DPYD: variants seen among roughly 807,000 people sequenced by gnomAD.
DPYD encodes dihydropyrimidine dehydrogenase [NADP(+)].
Under a neutral mutation model 116.2 loss-of-function variants are expected in DPYD, and 109 were observed. That is an observed-to-expected ratio of 0.94 (90% confidence interval 0.80 to 1.10). The LOEUF (loss-of-function observed/expected upper bound fraction) is 1.10, where lower values mean the gene tolerates loss of function less well. Among genes scored for constraint, DPYD ranks in the 50% least tolerant of loss-of-function variants. The probability of loss-of-function intolerance (pLI) is 0.00; values close to 1 mark genes in which losing one functional copy is unlikely to be tolerated. For missense variants in DPYD, 1,302 were observed against 1,254.5 expected (o/e 1.04, Z -0.57); for synonymous variants, 440 against 432.0 (o/e 1.02, Z -0.23).
chr1:97,148,232 TG>T (rs1167943991), intron 20 of DPYD, among the ~76,000 whole-genome samples: 1 of 122,740 alleles, frequency 8.1e-6, no homozygotes, highest in Non-Finnish European at 1.6e-5. Flanking sequence ...TTGGTGTATG[TG>T]TAGGGTGTGT....
chr1:97,882,740 T>C (rs895858680), intron 2 of DPYD, among the ~76,000 whole-genome samples: 1 of 152,022 alleles, frequency 6.6e-6, no homozygotes, highest in Non-Finnish European at 1.5e-5. Flanking sequence ...GTTTTGCTCC[T>C]ACACCTCACC....
Position 97,593,388 on chromosome 1 carries a change from C to T in DPYD, c.959-1G>A, listed in dbSNP as rs1329732851. ...AATGGAGAGTGACAGGCGCACATTC[C>T]TGAATGATGAAAGGAAAACCCCATT... On this transcript the variant is annotated splice_acceptor_variant, in intron 9 of 22. Transcript: ENST00000370192. LOFTEE classifies it high-confidence loss of function. 1.2e-6 allele frequency: 2 copies of T among 1,614,062 alleles called. No homozygotes were observed. Among genetic ancestry groups the T allele is most frequent in the Non-Finnish European group, 1.7e-6 (2 of 1,180,010 alleles).
chr1:97,448,343 C>T (rs1001414974), intron 14 of DPYD, among the ~76,000 whole-genome samples: 3 of 152,130 alleles, frequency 2.0e-5, no homozygotes, highest in East Asian at 3.9e-4. Flanking sequence ...AGGTGTGTAA[C>T]GATTGATATG....
chr1:97,530,211 T>A, intron 12 of DPYD, among the ~76,000 whole-genome samples: 1 of 68,876 alleles, frequency 1.5e-5, no homozygotes, highest in Non-Finnish European at 3.2e-5. Flanking sequence ...TTTCTTTTTT[T>A]TTCTTTTTTT....
intron 18 of DPYD, chr1:97,280,151 T>C (rs1665220563): frequency 6.6e-6 from 1 of 152,140 alleles, no homozygotes; most frequent in African/African-American, 2.4e-5. Flanking sequence ...AACTTTTTAA[T>C]ATCTCACACT....
At chr1:97,908,999 C>G (rs566297753) in intron 1 of DPYD, among the ~76,000 whole-genome samples, 1 of 152,302 alleles carries the variant, frequency 6.6e-6, no homozygotes, top group South Asian at 2.1e-4. Context: ...GAACAATCCA[C>G]TATTATGTTC....
At chr1:97,702,557 A>ACTTTTT (rs2100980083) in intron 5 of DPYD, among the ~76,000 whole-genome samples, 2 of 152,046 alleles carry the variant, frequency 1.3e-5, no homozygotes, top group South Asian at 4.1e-4. Flanking sequence ...TAAAAGTATC[A>ACTTTTT]TTTATTGCTG....
chr1:97,315,441 A>G (rs1169173290), intron 16 of DPYD, among the ~76,000 whole-genome samples: 2 of 151,870 alleles, frequency 1.3e-5, no homozygotes, highest in Non-Finnish European at 2.9e-5. Flanking sequence ...TCAGGGTCCA[A>G]TGGCTCCCCT....
chr1:97,487,432 G>C (rs1183732944), intron 13 of DPYD, among the ~76,000 whole-genome samples: 1 of 152,186 alleles, frequency 6.6e-6, no homozygotes, highest in Non-Finnish European at 1.5e-5. Context: ...CCAGCACTTT[G>C]GGAGGCCAAG....
intron 19 of DPYD, among the ~76,000 whole-genome samples, chr1:97,207,045 C>T (rs1299793172): frequency 6.6e-6 from 1 of 151,946 alleles, no homozygotes; most frequent in Non-Finnish European, 1.5e-5. Flanking sequence ...AGGGCAGAGA[C>T]TATATTTCTT....
At chr1:97,746,977 T>C (rs1307618076) in intron 3 of DPYD, among the ~76,000 whole-genome samples, 1 of 151,716 alleles carries the variant, frequency 6.6e-6, no homozygotes, top group African/African-American at 2.4e-5. Flanking sequence ...GTACTGATAA[T>C]TATGCTGAAA....
At chr1:97,305,430 TAAAACCCATTC>T (rs776732422) in intron 17 of DPYD, 52 bp from the exon 18 acceptor site, 7 of 1,610,310 alleles carry the variant, frequency 4.3e-6, no homozygotes, top group Non-Finnish European at 5.9e-6. Flanking sequence ...ACACGATAGT[TAAAACCCATTC>T]AAACCCTCAC....
At chr1:97,397,450 T>G (rs1673078600) in intron 14 of DPYD, among the ~76,000 whole-genome samples, 1 of 152,054 alleles carries the variant, frequency 6.6e-6, no homozygotes, top group African/African-American at 2.4e-5. Context: ...TAATGACACG[T>G]ATCCATTGTT....
intron 20 of DPYD, among the ~76,000 whole-genome samples, chr1:97,131,368 GTACTTT>G (rs1653326107): frequency 6.6e-6 from 1 of 152,078 alleles, no homozygotes; most frequent in Admixed American, 6.6e-5. Context: ...AAAGAGAATG[GTACTTT>G]TCATGCATGT....
intron 5 of DPYD, among the ~76,000 whole-genome samples, chr1:97,716,360 T>C (rs541033561): frequency 2.0e-5 from 3 of 152,078 alleles, no homozygotes; most frequent in Admixed American, 6.6e-5. Flanking sequence ...AAACACCCCA[T>C]CATATATAAA....
chr1:97,291,619 T>C (rs192110315), intron 18 of DPYD, among the ~76,000 whole-genome samples: 1,588 of 151,258 alleles, frequency 0.01, 29 homozygotes, highest in African/African-American at 0.036. Context: ...TTCTCACTCA[T>C]AGGTGGGAAT....
intron 1 of DPYD, among the ~76,000 whole-genome samples, chr1:97,896,367 CCACT>C (rs1673072312): frequency 6.6e-6 from 1 of 151,714 alleles, no homozygotes; most frequent in Admixed American, 6.6e-5. Context: ...ATTCAGCTAC[CCACT>C]GAGTCTTCAC....
At chr1:97,893,025 T>C (rs1273776133) in intron 1 of DPYD, among the ~76,000 whole-genome samples, 1 of 151,780 alleles carries the variant, frequency 6.6e-6, no homozygotes, top group African/African-American at 2.4e-5. Context: ...AATAAGATAA[T>C]GCAAAAGATG....
intron 19 of DPYD, among the ~76,000 whole-genome samples, chr1:97,195,636 A>G (rs74555090): frequency 0.091 from 174 of 1,910 alleles, 2 homozygotes; most frequent in Middle Eastern, 0.17. Context: ...ATGTATGTGT[A>G]TATATATATA....
Sources: gnomAD v4.1 joint callset for allele counts (sites outside exome capture counted in the v4.1 genomes callset) on GRCh38, gnomAD v4.1.1 for gene constraint, MANE v1.5 for transcripts, NCBI Gene and HGNC (gene_info 2026-07-23, HGNC 2026-07-21) for gene names.